Variants in MAD1L1 observed in about 807,000 individuals in gnomAD.
The protein encoded by MAD1L1 is mitotic spindle assembly checkpoint protein MAD1.
Under a neutral mutation model 96.9 loss-of-function variants are expected in MAD1L1, and 95 were observed. That is an observed-to-expected ratio of 0.98 (90% CI 0.83 to 1.16). MAD1L1 has a LOEUF of 1.16. MAD1L1 is among the 50% of genes most tolerant of loss of function. The pLI is 0.00. For synonymous variants in MAD1L1, 473 were observed against 396.6 expected (o/e 1.19, Z -2.29); for missense variants, 1,007 against 954.4 (o/e 1.06, Z -0.73).
intron 10 of MAD1L1, among the ~76,000 whole-genome samples, chr7:2,200,069 C>T (rs543903472): frequency 2.0e-4 from 31 of 152,350 alleles, no homozygotes; most frequent in African/African-American, 7.5e-4. Flanking sequence ...GCTCTTCCCA[C>T]GCCTGCCCTC....
intron 11 of MAD1L1, among the ~76,000 whole-genome samples, chr7:2,085,483 A>G (rs867066135): frequency 4.6e-5 from 7 of 152,214 alleles, no homozygotes; most frequent in African/African-American, 1.7e-4. Context: ...TTCTGCCCAC[A>G]GTGAGCACAT....
intron 14 of MAD1L1, among the ~76,000 whole-genome samples, chr7:1,995,789 C>A (rs550848200): frequency 6.6e-6 from 1 of 151,526 alleles, no homozygotes; most frequent in Non-Finnish European, 1.5e-5. Context: ...TACAGAACCC[C>A]GGTGCCACCA....
chr7:1,905,895 C>T (rs1178248122), intron 17 of MAD1L1, among the ~76,000 whole-genome samples: 1 of 151,992 alleles, frequency 6.6e-6, no homozygotes, highest in African/African-American at 2.4e-5. Context: ...ACCAAAAATA[C>T]AAAAATTAGC....
chr7:2,011,809 C>T (rs1455690793), intron 13 of MAD1L1, among the ~76,000 whole-genome samples: 1 of 151,630 alleles, frequency 6.6e-6, no homozygotes, highest in Non-Finnish European at 1.5e-5. Flanking sequence ...GATACCGTGG[C>T]TGTCTCCATC....
chr7:1,949,241 T>C (rs1230318501), intron 16 of MAD1L1, among the ~76,000 whole-genome samples: 2 of 152,134 alleles, frequency 1.3e-5, no homozygotes, highest in Admixed American at 1.3e-4. Context: ...GTGGTGGCTA[T>C]GGTGACCTAC....
chr7:2,152,823 G>C (rs1789645529), intron 10 of MAD1L1, among the ~76,000 whole-genome samples: 1 of 152,150 alleles, frequency 6.6e-6, no homozygotes, highest in African/African-American at 2.4e-5. Flanking sequence ...CTGTTTTCAG[G>C]GTGTGCAATC....
intron 14 of MAD1L1, among the ~76,000 whole-genome samples, chr7:1,984,580 C>A (rs1225030713): frequency 2.6e-5 from 4 of 152,330 alleles, no homozygotes; most frequent in African/African-American, 9.6e-5. Flanking sequence ...TTGGCTAACC[C>A]ATCTGAACCT....
At chr7:2,037,032 G>A (rs969748127) in intron 12 of MAD1L1, among the ~76,000 whole-genome samples, 10 of 150,538 alleles carry the variant, frequency 6.6e-5, no homozygotes, top group African/African-American at 2.5e-4. Context: ...ACCTCCACCT[G>A]CCGCATGCTC....
chr7:1,916,294 GA>G (rs957332169), intron 17 of MAD1L1, among the ~76,000 whole-genome samples: 3 of 152,132 alleles, frequency 2.0e-5, no homozygotes, highest in Non-Finnish European at 2.9e-5. Flanking sequence ...TCCACACAAA[GA>G]CTTGTACCCA....
intron 15 of MAD1L1, among the ~76,000 whole-genome samples, chr7:1,967,431 G>A (rs542652659): frequency 1.4e-4 from 21 of 152,316 alleles, no homozygotes; most frequent in Admixed American, 4.6e-4. Context: ...AAACTGACCC[G>A]ATGACATCAT....
intron 17 of MAD1L1, among the ~76,000 whole-genome samples, chr7:1,922,355 T>C (rs1015543196): frequency 7.9e-5 from 12 of 152,276 alleles, no homozygotes; most frequent in African/African-American, 2.4e-4. Context: ...TAGTGATGCC[T>C]GCAGATTTCA....
At chr7:2,199,732 C>A (rs530199005) in intron 10 of MAD1L1, among the ~76,000 whole-genome samples, 14 of 152,370 alleles carry the variant, frequency 9.2e-5, no homozygotes, top group Admixed American at 7.2e-4. Flanking sequence ...GACCTCCAGC[C>A]TCCCAAACCC....
chr7:2,040,630 T>C (rs1783632121), intron 12 of MAD1L1, among the ~76,000 whole-genome samples: 1 of 152,214 alleles, frequency 6.6e-6, no homozygotes, highest in Non-Finnish European at 1.5e-5. Flanking sequence ...TACCTAGTCC[T>C]TTGCTGGGGA....
intron 17 of MAD1L1, among the ~76,000 whole-genome samples, chr7:1,908,426 G>C (rs1269943235): frequency 1.3e-5 from 2 of 152,182 alleles, no homozygotes; most frequent in African/African-American, 4.8e-5. Flanking sequence ...CTGTCACCCA[G>C]GCTGGAGTGC....
At chr7:1,847,191 G>T (rs994730963) in intron 18 of MAD1L1, 1 of 462,174 alleles carries the variant, frequency 2.2e-6, no homozygotes, top group African/African-American at 2.0e-5. Context: ...CTGGTCCAGG[G>T]TGTTTGTTTG....
intron 17 of MAD1L1, among the ~76,000 whole-genome samples, chr7:1,914,374 C>T (rs923682483): frequency 3.0e-4 from 45 of 152,236 alleles, no homozygotes; most frequent in Non-Finnish European, 5.6e-4. Flanking sequence ...TACAATCACG[C>T]GGGTCTTCAC....
At chr7:1,848,141 G>A (rs976239227) in intron 18 of MAD1L1, 11 of 227,932 alleles carry the variant, frequency 4.8e-5, no homozygotes, top group South Asian at 1.9e-4. Flanking sequence ...GGCTGGGTCC[G>A]CAGGCCACTC....
intron 16 of MAD1L1, among the ~76,000 whole-genome samples, chr7:1,950,611 C>A (rs1779447217): frequency 6.6e-6 from 1 of 152,206 alleles, no homozygotes; most frequent in Non-Finnish European, 1.5e-5. Context: ...GCCAGTCGAC[C>A]CCACACGGGA....
At chr7:1,819,643 T>C (rs1782021389) in intron 18 of MAD1L1, among the ~76,000 whole-genome samples, 1 of 152,110 alleles carries the variant, frequency 6.6e-6, no homozygotes, top group Non-Finnish European at 1.5e-5. Context: ...TAAGCGCTGG[T>C]CCCACCATCC....
Sources: allele counts gnomAD v4.1 joint callset (sites outside exome capture counted in the v4.1 genomes callset), GRCh38; gene constraint gnomAD v4.1.1; transcripts MANE v1.5; gene names NCBI Gene and HGNC (gene_info 2026-07-23, HGNC 2026-07-21).